The following GLIS1 variants were observed in gnomAD, a reference collection of about 807,000 sequenced individuals.
GLIS1 encodes the protein GLIS family zinc finger 1, also known as zinc finger protein GLIS1.
A neutral mutation model predicts 63.8 loss-of-function variants in GLIS1; 24 were observed. The observed-to-expected ratio is 0.38, with a 90% CI of 0.27 to 0.53. GLIS1 has a LOEUF of 0.53. GLIS1 is among the 20% of genes least tolerant of loss of function. The pLI is 0.85. For missense variants in GLIS1, 1,036 were observed against 1,074.1 expected, an observed-to-expected ratio of 0.96 and a Z score of 0.50; for synonymous variants, 450 against 482.5, an observed-to-expected ratio of 0.93 and a Z score of 0.88.
intron 2 of GLIS1, among the ~76,000 whole-genome samples, chr1:53,641,408 C>T (rs948050277): frequency 1.3e-5 from 2 of 152,164 alleles, no homozygotes; most frequent in South Asian, 2.1e-4. Flanking sequence ...CAGTGCCTGC[C>T]GTAGGAGCTC....
chr1:53,631,455 T>C (rs530338743), intron 2 of GLIS1, among the ~76,000 whole-genome samples: 5 of 152,242 alleles, frequency 3.3e-5, no homozygotes, highest in Middle Eastern at 3.2e-3. Flanking sequence ...ATCACATGTA[T>C]GTACTTACAC....
At chr1:53,619,443 TGTGA>T (rs1391231679) in intron 2 of GLIS1, among the ~76,000 whole-genome samples, 1 of 152,204 alleles carries the variant, frequency 6.6e-6, no homozygotes, top group African/African-American at 2.4e-5. Context: ...TACCATGGGA[TGTGA>T]GTGTTGTGTC....
chr1:53,729,213 C>T (rs1646834610), intron 2 of GLIS1, among the ~76,000 whole-genome samples: 1 of 152,166 alleles, frequency 6.6e-6, no homozygotes, highest in Admixed American at 6.5e-5. Context: ...GTTCTACGGA[C>T]TTGAGGTCTG....
At chr1:53,602,229 T>C (rs1645326010) in intron 2 of GLIS1, among the ~76,000 whole-genome samples, 1 of 152,158 alleles carries the variant, frequency 6.6e-6, no homozygotes, top group Non-Finnish European at 1.5e-5. Flanking sequence ...CAAATGTGAA[T>C]GGCCCGAGTT....
chr1:53,671,846 T>G (rs1646155910), intron 2 of GLIS1, among the ~76,000 whole-genome samples: 2 of 152,272 alleles, frequency 1.3e-5, no homozygotes, highest in Non-Finnish European at 2.9e-5. Context: ...ACAAAGCTGG[T>G]TAAGGCCAAG....
intron 4 of GLIS1, among the ~76,000 whole-genome samples, chr1:53,587,863 T>C (rs1007464326): frequency 6.6e-6 from 1 of 152,216 alleles, no homozygotes; most frequent in African/African-American, 2.4e-5. Context: ...ATTCTCTCAA[T>C]GTTTGTAAAC....
intron 2 of GLIS1, among the ~76,000 whole-genome samples, chr1:53,710,752 G>A (rs186117856): frequency 5.3e-5 from 8 of 152,280 alleles, no homozygotes; most frequent in African/African-American, 9.6e-5. Flanking sequence ...GGCCTGTCAC[G>A]CTCGTGCAAA....
intron 2 of GLIS1, among the ~76,000 whole-genome samples, chr1:53,642,356 T>C (rs766224742): frequency 7.9e-5 from 12 of 152,194 alleles, no homozygotes; most frequent in Non-Finnish European, 1.8e-4. Flanking sequence ...CAGGAGAGGC[T>C]GGGTTCCCTG....
At chr1:53,692,551 T>C (rs1646417531) in intron 2 of GLIS1, among the ~76,000 whole-genome samples, 1 of 152,248 alleles carries the variant, frequency 6.6e-6, no homozygotes, top group South Asian at 2.1e-4. Flanking sequence ...GCCACTATTG[T>C]CCCTGATTTA....
At chr1:53,562,744 C>T (rs773429811) in intron 4 of GLIS1, among the ~76,000 whole-genome samples, 1 of 152,194 alleles carries the variant, frequency 6.6e-6, no homozygotes, top group Non-Finnish European at 1.5e-5. Flanking sequence ...CTAGAAACCT[C>T]GATTTCCTCA....
At chr1:53,667,998 T>C (rs1646112116) in intron 2 of GLIS1, among the ~76,000 whole-genome samples, 1 of 152,214 alleles carries the variant, frequency 6.6e-6, no homozygotes, top group Non-Finnish European at 1.5e-5. Flanking sequence ...TTGGTCCCTC[T>C]GGCCTCTATG....
At chr1:53,564,829 A>T (rs931982753) in intron 4 of GLIS1, among the ~76,000 whole-genome samples, 2 of 152,104 alleles carry the variant, frequency 1.3e-5, no homozygotes, top group Non-Finnish European at 2.9e-5. Context: ...TAATAATATT[A>T]GCAATGCAAA....
At chr1:53,577,660 A>G (rs1048147902) in intron 4 of GLIS1, among the ~76,000 whole-genome samples, 1 of 152,136 alleles carries the variant, frequency 6.6e-6, no homozygotes, top group African/African-American at 2.4e-5. Context: ...GGATCCCATC[A>G]TGGTGTCTGG....
At chr1:53,524,357 C>T (rs1359342627) in intron 6 of GLIS1, among the ~76,000 whole-genome samples, 3 of 152,272 alleles carry the variant, frequency 2.0e-5, no homozygotes, top group Non-Finnish European at 4.4e-5. Context: ...ACATCTCTCT[C>T]GCCATCTTAA....
chr1:53,625,230 T>C, intron 2 of GLIS1, among the ~76,000 whole-genome samples: 1 of 152,334 alleles, frequency 6.6e-6, no homozygotes, highest in South Asian at 2.1e-4. Flanking sequence ...TATGAGGAGA[T>C]GACCCTGAAA....
chr1:53,521,046 A>G (rs548676291), intron 6 of GLIS1, among the ~76,000 whole-genome samples: 8 of 152,238 alleles, frequency 5.3e-5, no homozygotes, highest in Non-Finnish European at 7.3e-5. Flanking sequence ...GGGAGAGCCC[A>G]AGGACTGAGA....
chr1:53,616,659 T>C (rs972996104), intron 2 of GLIS1, among the ~76,000 whole-genome samples: 1 of 152,064 alleles, frequency 6.6e-6, no homozygotes, highest in Non-Finnish European at 1.5e-5. Flanking sequence ...TCCCTCCATC[T>C]TGGGTCTCCA....
At chr1:53,614,286 A>G (rs775666985) in intron 2 of GLIS1, among the ~76,000 whole-genome samples, 2 of 152,240 alleles carry the variant, frequency 1.3e-5, no homozygotes, top group Admixed American at 6.5e-5. Context: ...ACAAGAAGTT[A>G]GAAAGTAAAG....
intron 2 of GLIS1, among the ~76,000 whole-genome samples, chr1:53,686,579 G>A (rs1401383504): frequency 6.6e-6 from 1 of 152,184 alleles, no homozygotes; most frequent in Admixed American, 6.5e-5. Context: ...CAGACTGTGG[G>A]GGGAGGCAGC....
Sources: gnomAD v4.1 joint callset for allele counts (sites outside exome capture counted in the v4.1 genomes callset) on GRCh38, gnomAD v4.1.1 for gene constraint, MANE v1.5 for transcripts, NCBI Gene and HGNC (gene_info 2026-07-23, HGNC 2026-07-21) for gene names.